Variants in MSRB3 observed in about 807,000 individuals in gnomAD.
MSRB3 encodes the protein methionine-R-sulfoxide reductase B3.
Under a neutral mutation model 21.0 loss-of-function variants are expected in MSRB3, and 13 were observed. The observed-to-expected ratio is 0.62, with a 90% CI of 0.40 to 0.98. The LOEUF is 0.98. Ranked by LOEUF, MSRB3 falls within the 50% of genes least tolerant of loss-of-function variation. The pLI is 0.00. For synonymous variants in MSRB3, 87 were observed against 88.6 expected (o/e 0.98, Z 0.10); for missense variants, 199 against 230.3 (o/e 0.86, Z 0.88).
chr12:65,412,082 C>CAA (rs988702631), intron 5 of MSRB3, among the ~76,000 whole-genome samples: 4 of 152,114 alleles, frequency 2.6e-5, no homozygotes, highest in African/African-American at 9.7e-5. Context: ...GTCATGTTTT[C>CAA]ACTCAATTTC....
At chr12:65,378,886 A>G (rs1487057607) in intron 5 of MSRB3, among the ~76,000 whole-genome samples, 1 of 152,234 alleles carries the variant, frequency 6.6e-6, no homozygotes, top group African/African-American at 2.4e-5. Flanking sequence ...ATGAGACACA[A>G]AATCGCAAGA....
intron 4 of MSRB3, among the ~76,000 whole-genome samples, chr12:65,349,420 A>C (rs1476148052): frequency 6.6e-6 from 1 of 151,874 alleles, no homozygotes; most frequent in Non-Finnish European, 1.5e-5. Context: ...TTGGGTATAT[A>C]CCCAGTAATG....
intron 4 of MSRB3, among the ~76,000 whole-genome samples, chr12:65,363,192 C>G (rs1204208582): frequency 6.6e-6 from 1 of 152,158 alleles, no homozygotes; most frequent in African/African-American, 2.4e-5. Context: ...ATGCTAATTT[C>G]TGTACTTGAT....
chr12:65,295,412 A>AT (rs1872907356), intron 1 of MSRB3, among the ~76,000 whole-genome samples: 1 of 151,282 alleles, frequency 6.6e-6, no homozygotes, highest in South Asian at 2.1e-4. Context: ...TTTAAGGATT[A>AT]TTTTTATCTT....
chr12:65,278,737 T>A lies in MSRB3; in HGVS notation c.-180T>A. 6.4e-7 allele frequency: 1 copy of A among 1,565,110 alleles called. No individual in the cohort carries two copies. Among genetic ancestry groups the A allele is most frequent in the Non-Finnish European group, 8.7e-7 (1 of 1,156,048 alleles). ...GAGCCGGGGAGGGAGGGAGCGAGGT[T>A]CGGACACCGGCGGCGGCTGCCTGGC... On this transcript the variant is annotated 5_prime_UTR_variant, in exon 1 of 7. Coordinates refer to ENST00000308259, the MANE Select transcript of MSRB3 (RefSeq NM_001031679.3).
intron 4 of MSRB3, among the ~76,000 whole-genome samples, chr12:65,340,447 T>TA (rs2136472078): frequency 6.6e-6 from 1 of 152,242 alleles, no homozygotes; most frequent in East Asian, 1.9e-4. Context: ...TTGCCAAGAA[T>TA]TTTCTCAAAC....
intron 5 of MSRB3, among the ~76,000 whole-genome samples, chr12:65,404,355 A>G (rs965508057): frequency 3.9e-5 from 6 of 152,244 alleles, no homozygotes; most frequent in African/African-American, 1.4e-4. Flanking sequence ...ATTATTGCAG[A>G]ATATTCCCAA....
In MSRB3 at chr12:65,278,809, G is replaced by T; in HGVS notation, c.-108G>T. 1 of 1,571,346 alleles carries T rather than the reference G, an allele frequency of 6.4e-7. No homozygotes were observed. Among genetic ancestry groups the T allele is most frequent in the Non-Finnish European group, 8.6e-7 (1 of 1,158,650 alleles). ...ACCCTCCCGCGCCCCCTCTCGCTCTGCCTCTCCCTCTGCCTCTGCCTCTGC... is the reference window on the plus strand; with the variant it reads ...ACCCTCCCGCGCCCCCTCTCGCTCTTCCTCTCCCTCTGCCTCTGCCTCTGC... On this transcript the variant is annotated 5_prime_UTR_variant, in exon 1 of 7. Transcript: ENST00000308259.
chr12:65,417,233 T>C (rs1264831362), intron 5 of MSRB3, among the ~76,000 whole-genome samples: 2 of 152,130 alleles, frequency 1.3e-5, no homozygotes, highest in African/African-American at 4.8e-5. Context: ...TGTTTGCCCC[T>C]CATTAAGGGA....
intron 6 of MSRB3, among the ~76,000 whole-genome samples, chr12:65,460,741 T>A (rs1883291011): frequency 6.6e-6 from 1 of 151,340 alleles, no homozygotes; most frequent in African/African-American, 2.4e-5. Flanking sequence ...CCTCACTTTT[T>A]TTTTTTTTTT....
intron 5 of MSRB3, among the ~76,000 whole-genome samples, chr12:65,438,759 G>T (rs1882237767): frequency 1.3e-5 from 2 of 151,592 alleles, no homozygotes; most frequent in Non-Finnish European, 3.0e-5. Flanking sequence ...GAAGACAATG[G>T]GTCTTTATGG....
Position 65,466,749 on chromosome 12 carries a change from T to G in MSRB3, c.*3427T>G, listed in dbSNP as rs1193971095. ...AATGGTAAAGGGGATTATCTTTTGTTTAGATGGTTAAATATTATTTTTGCC... is the reference window on the plus strand; with the variant it reads ...AATGGTAAAGGGGATTATCTTTTGTGTAGATGGTTAAATATTATTTTTGCC... On this transcript the variant is annotated 3_prime_UTR_variant, in exon 7 of 7. Coordinates refer to ENST00000308259, the MANE Select transcript of MSRB3 (RefSeq NM_001031679.3). 1 of 152,222 alleles carries G rather than the reference T, an allele frequency of 6.6e-6. No homozygotes were observed. Among genetic ancestry groups the G allele is most frequent in the Non-Finnish European group, 1.5e-5 (1 of 68,034 alleles). 9.4% of individuals were successfully genotyped at this position (152,222 alleles called of 1,614,324 possible).
intron 5 of MSRB3, among the ~76,000 whole-genome samples, chr12:65,387,631 A>G (rs7964339): frequency 0.99 from 150,384 of 152,310 alleles, 74,281 homozygotes; most frequent in Middle Eastern, 1. Context: ...TTTAAGCACT[A>G]TGTAACTTGG....
chr12:65,406,180 A>G (rs1880404206), intron 5 of MSRB3, among the ~76,000 whole-genome samples: 1 of 152,084 alleles, frequency 6.6e-6, no homozygotes. Context: ...TCTGTGTTTT[A>G]TTCAAGTAGT....
At chr12:65,418,383 T>C (rs1881092790) in intron 5 of MSRB3, among the ~76,000 whole-genome samples, 1 of 152,220 alleles carries the variant, frequency 6.6e-6, no homozygotes, top group East Asian at 1.9e-4. Context: ...GAGTTCCTTA[T>C]GTTATGTTTC....
At chr12:65,425,511 A>ATATCTACT (rs1308130789) in intron 5 of MSRB3, among the ~76,000 whole-genome samples, 2 of 151,852 alleles carry the variant, frequency 1.3e-5, no homozygotes, top group Non-Finnish European at 2.9e-5. Flanking sequence ...TATCTTTTGT[A>ATATCTACT]TATCTACTGT....
chr12:65,329,735 G>A (rs747222248), intron 4 of MSRB3, among the ~76,000 whole-genome samples: 5 of 151,706 alleles, frequency 3.3e-5, no homozygotes, highest in Non-Finnish European at 7.4e-5. Flanking sequence ...TCTGATACTT[G>A]TAGCTAAAAC....
At chr12:65,287,055 A>G (rs1872401183) in intron 1 of MSRB3, among the ~76,000 whole-genome samples, 2 of 149,808 alleles carry the variant, frequency 1.3e-5, no homozygotes, top group African/African-American at 2.4e-5. Context: ...AGCAAAACCA[A>G]AAACCGAAAA....
At chr12:65,358,509 C>T (rs948740116) in intron 4 of MSRB3, among the ~76,000 whole-genome samples, 1 of 151,834 alleles carries the variant, frequency 6.6e-6, no homozygotes, top group Admixed American at 6.6e-5. Context: ...CAGTTGGCTC[C>T]TTTGTCCCTT....
Sources: allele counts gnomAD v4.1 joint callset (sites outside exome capture counted in the v4.1 genomes callset), GRCh38; gene constraint gnomAD v4.1.1; transcripts MANE v1.5; gene names NCBI Gene and HGNC (gene_info 2026-07-23, HGNC 2026-07-21).